Variants in ITPRID1 observed in about 807,000 individuals in gnomAD.
ITPRID1 encodes ITPR interacting domain containing 1.
Under a neutral mutation model 95.4 loss-of-function variants are expected in ITPRID1, and 96 were observed. The observed-to-expected ratio is 1.01, with a 90% CI of 0.85 to 1.19. The LOEUF (loss-of-function observed/expected upper bound fraction) is 1.19, where lower values mean the gene tolerates loss of function less well. ITPRID1 is among the 50% of genes most tolerant of loss of function. The pLI is 0.00. For missense variants in ITPRID1, 1,339 were observed against 1,252.9 expected, an observed-to-expected ratio of 1.07 and a Z score of -1.04; for synonymous variants, 510 against 453.6, an observed-to-expected ratio of 1.12 and a Z score of -1.58.
At chr7:31,578,752 T>A (rs1785290718) in intron 9 of ITPRID1, among the ~76,000 whole-genome samples, 1 of 152,212 alleles carries the variant, frequency 6.6e-6, no homozygotes, top group Admixed American at 6.5e-5. Flanking sequence ...CTCTAACTTT[T>A]CATGTTTTAT....
intron 10 of ITPRID1, among the ~76,000 whole-genome samples, chr7:31,617,150 G>T (rs373361572): frequency 6.6e-6 from 1 of 152,112 alleles, no homozygotes; most frequent in East Asian, 1.9e-4. Flanking sequence ...AGTTTTTGAA[G>T]CATTTGCCAT....
chr7:31,581,661 G>A (rs1461526599), intron 9 of ITPRID1, among the ~76,000 whole-genome samples: 1 of 151,922 alleles, frequency 6.6e-6, no homozygotes, highest in Non-Finnish European at 1.5e-5. Flanking sequence ...AATAAGTGTG[G>A]CTCAGGTGGA....
chr7:31,637,135 G>A (rs377101989), intron 10 of ITPRID1, among the ~76,000 whole-genome samples: 178 of 151,784 alleles, frequency 1.2e-3, no homozygotes, highest in Admixed American at 1.8e-3. Flanking sequence ...CCAGTCTATC[G>A]TTGTTGGACA....
chr7:31,581,220 C>G (rs765180368), intron 9 of ITPRID1, among the ~76,000 whole-genome samples: 1 of 152,134 alleles, frequency 6.6e-6, no homozygotes, highest in Non-Finnish European at 1.5e-5. Context: ...AATTTTGCCT[C>G]CAGATCAACC....
chr7:31,639,946 T>C (rs1789870920), intron 10 of ITPRID1, among the ~76,000 whole-genome samples: 1 of 152,236 alleles, frequency 6.6e-6, no homozygotes, highest in South Asian at 2.1e-4. Flanking sequence ...ATGGATCATA[T>C]GTTCCTGCTT....
intron 1 of ITPRID1, among the ~76,000 whole-genome samples, chr7:31,539,030 A>G (rs1192834422): frequency 6.6e-6 from 1 of 152,160 alleles, no homozygotes; most frequent in Non-Finnish European, 1.5e-5. Flanking sequence ...TTTCTTTGTC[A>G]CATTGAGTAA....
At chr7:31,629,782 A>G (rs1202538573) in intron 10 of ITPRID1, among the ~76,000 whole-genome samples, 1 of 152,184 alleles carries the variant, frequency 6.6e-6, no homozygotes, top group Non-Finnish European at 1.5e-5. Context: ...AAGTTGTCAT[A>G]TGAAGCAACA....
chr7:31,564,563 G>A (rs571553989), intron 5 of ITPRID1, among the ~76,000 whole-genome samples: 4 of 152,178 alleles, frequency 2.6e-5, no homozygotes, highest in African/African-American at 9.6e-5. Flanking sequence ...CCTAGCGAGC[G>A]GTCTTGTGTT....
chr7:31,551,509 AT>A (rs1460447215), intron 2 of ITPRID1, among the ~76,000 whole-genome samples: 2 of 143,306 alleles, frequency 1.4e-5, no homozygotes, highest in African/African-American at 4.9e-5. Context: ...AGATATAACT[AT>A]TTTTTCCCTT....
intron 10 of ITPRID1, among the ~76,000 whole-genome samples, chr7:31,583,859 T>A (rs942412982): frequency 2.6e-5 from 4 of 152,322 alleles, no homozygotes; most frequent in African/African-American, 9.6e-5. Flanking sequence ...GTGCACATGC[T>A]GTTTTCATTT....
At chr7:31,647,673 C>CAAA (rs11345351) in intron 12 of ITPRID1, among the ~76,000 whole-genome samples, 148 of 69,052 alleles carry the variant, frequency 2.1e-3, no homozygotes, top group Non-Finnish European at 3.2e-3. Flanking sequence ...GTCTCCGTCT[C>CAAA]AAAAAAAAAA....
intron 9 of ITPRID1, among the ~76,000 whole-genome samples, chr7:31,578,726 A>C (rs1308596148): frequency 2.0e-5 from 3 of 152,136 alleles, no homozygotes; most frequent in Non-Finnish European, 2.9e-5. Flanking sequence ...ACCTGTATGT[A>C]TGCTTTTTAT....
At chr7:31,524,502 G>C (rs1783364078) in intron 1 of ITPRID1, among the ~76,000 whole-genome samples, 1 of 152,094 alleles carries the variant, frequency 6.6e-6, no homozygotes, top group Admixed American at 6.6e-5. Flanking sequence ...TTAGAAAGCT[G>C]CCTCCATTTT....
chr7:31,515,928 G>A (rs1783027159), intron 1 of ITPRID1, among the ~76,000 whole-genome samples: 1 of 152,162 alleles, frequency 6.6e-6, no homozygotes, highest in Admixed American at 6.5e-5. Flanking sequence ...TTTCATATAA[G>A]ATGATAAAAG....
At chr7:31,609,939 C>T (rs1437523356) in intron 10 of ITPRID1, among the ~76,000 whole-genome samples, 3 of 151,412 alleles carry the variant, frequency 2.0e-5, no homozygotes, top group Non-Finnish European at 4.4e-5. Flanking sequence ...CCCTCAAAGC[C>T]TGCTTTTGCT....
intron 10 of ITPRID1, among the ~76,000 whole-genome samples, chr7:31,615,929 G>A (rs1294990604): frequency 6.6e-6 from 1 of 151,646 alleles, no homozygotes; most frequent in Non-Finnish European, 1.5e-5. Flanking sequence ...AATTTTTTTT[G>A]TATTTTTGGT....
intron 5 of ITPRID1, among the ~76,000 whole-genome samples, chr7:31,559,098 CT>C (rs1342634738): frequency 2.0e-5 from 3 of 152,086 alleles, no homozygotes; most frequent in Non-Finnish European, 4.4e-5. Context: ...CTAAATTTTG[CT>C]GGATTATTGC....
chr7:31,561,565 AG>A (rs1784624177), intron 5 of ITPRID1, among the ~76,000 whole-genome samples: 1 of 152,216 alleles, frequency 6.6e-6, no homozygotes, highest in South Asian at 2.1e-4. Flanking sequence ...TAACTGCAAA[AG>A]GTTGGACAGC....
intron 10 of ITPRID1, among the ~76,000 whole-genome samples, chr7:31,628,448 C>CTTTT (rs113407332): frequency 4.2e-5 from 6 of 143,572 alleles, no homozygotes; most frequent in African/African-American, 1.3e-4. Flanking sequence ...AGCGTGATTC[C>CTTTT]TTTTTTTTTT....
Sources: gnomAD v4.1 joint callset for allele counts (sites outside exome capture counted in the v4.1 genomes callset) on GRCh38, gnomAD v4.1.1 for gene constraint, MANE v1.5 for transcripts, NCBI Gene and HGNC (gene_info 2026-07-23, HGNC 2026-07-21) for gene names.